Variants in SGCZ observed in about 807,000 individuals in gnomAD.
The protein encoded by SGCZ is sarcoglycan zeta, also known as zeta-sarcoglycan.
In SGCZ, 40 loss-of-function variants were observed where a neutral mutation model predicts 41.3. The ratio of observed to expected loss-of-function variants is 0.97; its 90% CI spans 0.75 to 1.26. The LOEUF is 1.26. SGCZ is among the 50% of genes most tolerant of loss of function. SGCZ has a pLI of 0.00. For missense variants in SGCZ, 552 were observed against 369.8 expected (o/e 1.49, Z -4.04); for synonymous variants, 206 against 137.5 (o/e 1.50, Z -3.49).
intron 1 of SGCZ, among the ~76,000 whole-genome samples, chr8:15,083,606 T>C (rs945895683): frequency 6.6e-6 from 1 of 152,088 alleles, no homozygotes; most frequent in African/African-American, 2.4e-5. Flanking sequence ...TGGAGTCCAG[T>C]GGTTCTATCA....
chr8:14,315,891 T>TAA (rs1285308555), intron 3 of SGCZ, among the ~76,000 whole-genome samples: 1 of 150,936 alleles, frequency 6.6e-6, no homozygotes, highest in Non-Finnish European at 1.5e-5. Context: ...AATATTTAAA[T>TAA]AAAAAAGAAG....
chr8:14,454,707 G>C (rs1205391580), intron 2 of SGCZ, among the ~76,000 whole-genome samples: 1 of 152,070 alleles, frequency 6.6e-6, no homozygotes, highest in Non-Finnish European at 1.5e-5. Context: ...AAATAGAATG[G>C]GAAGTCTCTA....
At chr8:14,259,416 T>C (rs541339750) in intron 3 of SGCZ, among the ~76,000 whole-genome samples, 8 of 151,220 alleles carry the variant, frequency 5.3e-5, no homozygotes, top group African/African-American at 7.3e-5. Context: ...AATGCCTAGG[T>C]TTTCTTCTAG....
chr8:14,431,757 G>A lies in SGCZ; in HGVS notation c.235-107553C>T, dbSNP rs1478760671. 1.2e-4 allele frequency among the ~76,000 whole-genome samples: 18 copies of A among 152,146 alleles called. 1 individual carries two copies. Among genetic ancestry groups the A allele is most frequent in the Middle Eastern group, 3.4e-3 (1 of 294 alleles). On this transcript the variant is annotated intron_variant, in intron 2 of 7. Transcript: ENST00000382080. ...TTAGTAAAAAGACAACCCACAGAGC[G>A]GGAGAAAATCTTCACAATCTATACA...
rs953970077 is a variant in SGCZ, at chr8:14,514,079, T to C, written c.234+40653A>G. On this transcript the variant is annotated intron_variant, in intron 2 of 7. Transcript: ENST00000382080. Reference sequence around the variant, plus strand: ...AGGAGTTGCATTGGTGATAGCAGCATAGGTTAGTCCTTTGAGAAGATTTTC... The same window carrying C: ...AGGAGTTGCATTGGTGATAGCAGCACAGGTTAGTCCTTTGAGAAGATTTTC... 3.9e-5 allele frequency among the ~76,000 whole-genome samples: 6 copies of C among 152,216 alleles called. No homozygotes were observed. In the South Asian group the frequency reaches 1.2e-3, roughly 32 times the overall value.
At chr8:15,169,990 T>G (rs1799781010) in intron 1 of SGCZ, among the ~76,000 whole-genome samples, 2 of 152,192 alleles carry the variant, frequency 1.3e-5, no homozygotes, top group South Asian at 4.1e-4. Flanking sequence ...AGCCAAGTAT[T>G]TAAATCTTTG....
chr8:14,597,291 A>G (rs1243651962), intron 1 of SGCZ, among the ~76,000 whole-genome samples: 1 of 152,314 alleles, frequency 6.6e-6, no homozygotes, highest in South Asian at 2.1e-4. Context: ...GTGAAGTCCT[A>G]TATGGAGGGC....
chr8:14,854,897 T>G (rs1803488321), intron 1 of SGCZ, among the ~76,000 whole-genome samples: 2 of 151,680 alleles, frequency 1.3e-5, no homozygotes, highest in African/African-American at 2.4e-5. Flanking sequence ...TTCACAGAGA[T>G]ATGTCAGCAT....
At chr8:14,156,444 G>A (rs1803878456) in intron 5 of SGCZ, among the ~76,000 whole-genome samples, 1 of 152,040 alleles carries the variant, frequency 6.6e-6, no homozygotes, top group Non-Finnish European at 1.5e-5. Flanking sequence ...CTGGGTGACG[G>A]AGTGAGACTC....
At chr8:15,012,798 CATAT>C (rs369565889) in intron 1 of SGCZ, among the ~76,000 whole-genome samples, 1 of 147,020 alleles carries the variant, frequency 6.8e-6, no homozygotes, top group Non-Finnish European at 1.5e-5. Flanking sequence ...TGTGTGTGTG[CATAT>C]ATATATATAC....
chr8:15,160,258 T>C (rs1210520176), intron 1 of SGCZ, among the ~76,000 whole-genome samples: 1 of 152,206 alleles, frequency 6.6e-6, no homozygotes. Flanking sequence ...CTCAGAATAA[T>C]GTCCTCAAGA....
At chr8:14,776,338 T>G (rs181209661) in intron 1 of SGCZ, among the ~76,000 whole-genome samples, 1 of 152,082 alleles carries the variant, frequency 6.6e-6, no homozygotes, top group African/African-American at 2.4e-5. Flanking sequence ...AATGGTTTTA[T>G]AAATGCAAGT....
intron 1 of SGCZ, among the ~76,000 whole-genome samples, chr8:15,034,507 G>T (rs1803798921): frequency 6.6e-6 from 1 of 152,130 alleles, no homozygotes; most frequent in Non-Finnish European, 1.5e-5. Flanking sequence ...AGGAGTTTAA[G>T]GAGAAGAGAG....
chr8:14,720,039 T>C (rs1809829358), intron 1 of SGCZ, among the ~76,000 whole-genome samples: 1 of 152,034 alleles, frequency 6.6e-6, no homozygotes, highest in Non-Finnish European at 1.5e-5. Context: ...GTAGAAGGTG[T>C]AAGGAAGGGA....
chr8:14,129,111 C>G (rs1415700792), intron 5 of SGCZ, among the ~76,000 whole-genome samples: 1 of 152,010 alleles, frequency 6.6e-6, no homozygotes, highest in Non-Finnish European at 1.5e-5. Context: ...CTTTGGAAGG[C>G]CGAGGTGGGT....
intron 1 of SGCZ, among the ~76,000 whole-genome samples, chr8:15,230,197 A>AG (rs1801898831): frequency 6.6e-6 from 1 of 152,160 alleles, no homozygotes; most frequent in East Asian, 1.9e-4. Flanking sequence ...AAAAAAAAAA[A>AG]AAAAACTGTA....
intron 4 of SGCZ, among the ~76,000 whole-genome samples, chr8:14,169,963 C>G (rs1804327210): frequency 6.6e-6 from 1 of 151,972 alleles, no homozygotes; most frequent in Non-Finnish European, 1.5e-5. Context: ...TGGATGGAGT[C>G]AGAAACAAAC....
At chr8:14,206,366 G>C (rs1805615834) in intron 4 of SGCZ, among the ~76,000 whole-genome samples, 1 of 152,092 alleles carries the variant, frequency 6.6e-6, no homozygotes, top group Non-Finnish European at 1.5e-5. Flanking sequence ...TTCACCTGTT[G>C]CTGAATAAAA....
intron 1 of SGCZ, among the ~76,000 whole-genome samples, chr8:15,211,942 A>G (rs756717688): frequency 6.6e-6 from 1 of 152,148 alleles, no homozygotes; most frequent in African/African-American, 2.4e-5. Flanking sequence ...TCAAAGTTTA[A>G]CTTGAATACT....
Sources: allele counts gnomAD v4.1 joint callset (sites outside exome capture counted in the v4.1 genomes callset), GRCh38; gene constraint gnomAD v4.1.1; transcripts MANE v1.5; gene names NCBI Gene and HGNC (gene_info 2026-07-23, HGNC 2026-07-21).